The following DPF3 variants were observed in gnomAD, a reference collection of about 807,000 sequenced individuals.
DPF3 encodes the protein double PHD fingers 3.
A neutral mutation model predicts 56.8 loss-of-function variants in DPF3; 18 were observed. That is an observed-to-expected ratio of 0.32 (90% CI 0.22 to 0.47). The LOEUF (loss-of-function observed/expected upper bound fraction) is 0.47, where lower values mean the gene tolerates loss of function less well. Among genes scored for constraint, DPF3 ranks in the 20% least tolerant of loss-of-function variants. The pLI, the probability that DPF3 is intolerant of heterozygous loss-of-function variation, is 1.00. For synonymous variants in DPF3, 188 were observed against 180.2 expected (o/e 1.04, Z -0.35); for missense variants, 403 against 488.8 (o/e 0.82, Z 1.65).
intron 8 of DPF3, among the ~76,000 whole-genome samples, chr14:72,634,531 A>C (rs531741491): frequency 8.5e-5 from 13 of 152,286 alleles, no homozygotes; most frequent in Admixed American, 1.3e-4. Context: ...TTTCCAATTC[A>C]AAGGTGAAAG....
intron 10 of DPF3, 85 bp downstream of exon 10, chr14:72,619,818 A>T: frequency 8.1e-7 from 1 of 1,240,906 alleles, no homozygotes; most frequent in East Asian, 2.6e-5. Context: ...CATTAGCATA[A>T]GGCCTGTACC....
At chr14:72,796,163 G>A (rs1892639030) in intron 1 of DPF3, among the ~76,000 whole-genome samples, 1 of 152,104 alleles carries the variant, frequency 6.6e-6, no homozygotes, top group South Asian at 2.1e-4. Context: ...TAATTAGCTG[G>A]GTGACTTTAA....
At chr14:72,700,174 G>A (rs1644809735) in intron 6 of DPF3, among the ~76,000 whole-genome samples, 1 of 152,130 alleles carries the variant, frequency 6.6e-6, no homozygotes. Flanking sequence ...TGCTTTGACT[G>A]GCTTAGAAAA....
chr14:72,888,853 G>C (rs1278422488), intron 1 of DPF3, among the ~76,000 whole-genome samples: 1 of 152,106 alleles, frequency 6.6e-6, no homozygotes, highest in Non-Finnish European at 1.5e-5. Flanking sequence ...GCAGAGGTTG[G>C]GATAATAAAC....
chr14:72,804,225 G>T (rs1417699976), intron 1 of DPF3, among the ~76,000 whole-genome samples: 1 of 102,954 alleles, frequency 9.7e-6, no homozygotes, highest in African/African-American at 4.3e-5. Flanking sequence ...ACACACACAC[G>T]CAGACAAAGA....
intron 10 of DPF3, 113 bp downstream of exon 10, chr14:72,619,790 G>C: frequency 9.8e-7 from 1 of 1,016,824 alleles, no homozygotes; most frequent in East Asian, 2.7e-5. Context: ...AATGAGACAA[G>C]ACATGAACAT....
intron 4 of DPF3, among the ~76,000 whole-genome samples, chr14:72,727,227 C>G (rs1889442106): frequency 6.6e-6 from 1 of 152,320 alleles, no homozygotes; most frequent in South Asian, 2.1e-4. Context: ...GCCCAGAAAG[C>G]TCTTCCCCAG....
At position 72,892,303 on chromosome 14, in the gene DPF3, G is replaced by A. The variant is rs562234946; in HGVS notation, c.32+1754C>T. On this transcript the variant is annotated intron_variant, in intron 1 of 10. Transcript: ENST00000556509. Reference sequence around the variant, plus strand: ...TGCAGCGAAAGCAACCGGCAGCGAGGATGCGGCGAAGTTACGCCCATTTAT... The same window carrying A: ...TGCAGCGAAAGCAACCGGCAGCGAGAATGCGGCGAAGTTACGCCCATTTAT... The A allele has an allele frequency of 5.1e-4, 787 of 1,535,482 alleles. 2 individuals carry two copies. Among genetic ancestry groups the A allele is most frequent in the Non-Finnish European group, 6.4e-4 (730 of 1,146,740 alleles).
At chr14:72,847,017 T>C (rs375358699) in intron 1 of DPF3, among the ~76,000 whole-genome samples, 2 of 152,222 alleles carry the variant, frequency 1.3e-5, no homozygotes, top group East Asian at 3.8e-4. Context: ...CATTAACATA[T>C]TTCTCAGTGA....
chr14:72,662,560 T>C, intron 8 of DPF3: 1 of 985,202 alleles, frequency 1.0e-6, no homozygotes, highest in Non-Finnish European at 1.2e-6. Flanking sequence ...AAAGAAAATA[T>C]AATGAAGATT....
intron 9 of DPF3, among the ~76,000 whole-genome samples, chr14:72,624,339 T>TTTC: frequency 6.9e-6 from 1 of 144,508 alleles, no homozygotes. Flanking sequence ...GTCTCTTTTT[T>TTTC]TTTTTTTTTT....
At chr14:72,657,771 C>T (rs959790864) in intron 8 of DPF3, among the ~76,000 whole-genome samples, 3 of 152,204 alleles carry the variant, frequency 2.0e-5, no homozygotes, top group African/African-American at 7.2e-5. Flanking sequence ...ATGCCCATTC[C>T]TGTACATATC....
chr14:72,795,498 G>A lies in DPF3; in HGVS notation c.33-23605C>T, dbSNP rs567873747. ...AGGAATAAAGAACAAAATGCACGCA[G>A]AATCTTTCACACCATGTCTGGCACA... On this transcript the variant is annotated intron_variant, in intron 1 of 10. Coordinates refer to ENST00000556509, the MANE Select transcript of DPF3 (RefSeq NM_001280542.3). Among the ~76,000 whole-genome samples, 112 of 152,138 alleles carry A rather than the reference G, an allele frequency of 7.4e-4. 2 individuals are homozygous for A. The South Asian group carries it at 0.023, about 32-fold the overall frequency.
intron 9 of DPF3, among the ~76,000 whole-genome samples, chr14:72,628,633 CA>C (rs1884976674): frequency 6.7e-6 from 1 of 150,106 alleles, no homozygotes; most frequent in Non-Finnish European, 1.5e-5. Flanking sequence ...GTAGTCTTGC[CA>C]AAAGAGAGAG....
chr14:72,689,600 C>T (rs764514414), intron 7 of DPF3, among the ~76,000 whole-genome samples: 4 of 152,184 alleles, frequency 2.6e-5, no homozygotes, highest in Non-Finnish European at 2.9e-5. Context: ...GAGCCACCCC[C>T]TATCCCCAAA....
intron 1 of DPF3, among the ~76,000 whole-genome samples, chr14:72,859,923 T>G (rs73306205): frequency 0.025 from 3,714 of 148,054 alleles, 147 homozygotes; most frequent in African/African-American, 0.089. Context: ...AGAGCTAGAA[T>G]ACCACCCAAC....
intron 1 of DPF3, among the ~76,000 whole-genome samples, chr14:72,840,242 C>CA (rs1274149914): frequency 6.6e-6 from 1 of 152,174 alleles, no homozygotes; most frequent in East Asian, 1.9e-4. Context: ...AAGCTCTCGC[C>CA]AAGGTAACTG....
At chr14:72,686,520 T>C (rs1458955152) in intron 7 of DPF3, among the ~76,000 whole-genome samples, 1 of 152,256 alleles carries the variant, frequency 6.6e-6, no homozygotes, top group East Asian at 1.9e-4. Context: ...CACCCTGGAC[T>C]GACCAACTCC....
chr14:72,800,742 A>G (rs61986307), intron 1 of DPF3, among the ~76,000 whole-genome samples: 1 of 61,316 alleles, frequency 1.6e-5, no homozygotes, highest in Non-Finnish European at 3.5e-5. Context: ...GCATGGGTGG[A>G]TGCATGGATG....
Sources: gnomAD v4.1 joint callset for allele counts (sites outside exome capture counted in the v4.1 genomes callset) on GRCh38, gnomAD v4.1.1 for gene constraint, MANE v1.5 for transcripts, NCBI Gene and HGNC (gene_info 2026-07-23, HGNC 2026-07-21) for gene names.